SPTSSA: variants seen among roughly 807,000 people sequenced by gnomAD.
SPTSSA encodes small subunit of serine palmitoyltransferase A.
SPTSSA carries 8 observed loss-of-function variants against 9.1 expected under a neutral mutation model. The observed-to-expected ratio is 0.88, with a 90% CI of 0.51 to 1.58. The LOEUF (loss-of-function observed/expected upper bound fraction) is 1.58. Ranked by LOEUF, SPTSSA falls within the 40% of genes most tolerant of loss-of-function variation. The pLI is 0.00. For missense variants in SPTSSA, 100 were observed against 93.8 expected (o/e 1.07, Z -0.27); for synonymous variants, 42 against 37.7 (o/e 1.11, Z -0.41).
intron 1 of SPTSSA, among the ~76,000 whole-genome samples, chr14:34,442,434 C>T (rs949580676): frequency 2.6e-5 from 4 of 152,182 alleles, no homozygotes; most frequent in Non-Finnish European, 4.4e-5. Flanking sequence ...CATGTGGCAC[C>T]GGTGCCCACC....
chr14:34,443,134 G>GGTGTGTGTGTGTGTGTGTGTGTGT (rs376742613), intron 1 of SPTSSA, among the ~76,000 whole-genome samples: 2 of 36,976 alleles, frequency 5.4e-5, no homozygotes, highest in Non-Finnish European at 8.8e-5. Flanking sequence ...TGCTTCTAGG[G>GGTGTGTGTGTGTGTGTGTGTGTGT]GTGTGTGTGT....
intron 1 of SPTSSA, among the ~76,000 whole-genome samples, chr14:34,438,311 T>C (rs936605707): frequency 6.6e-6 from 1 of 152,174 alleles, no homozygotes; most frequent in Non-Finnish European, 1.5e-5. Flanking sequence ...AAATTTAGAA[T>C]ATTTGCATTA....
rs17102526 is a variant in SPTSSA at position 34,435,412 on chromosome 14, C to G, written c.113-108G>C. ...GAAGTACCCATTCACTTAGTGCTTT[C>G]TCATTTATATCAAGCACTGATAAAA... On this transcript the variant is annotated intron_variant, in intron 1 of 1. Coordinates refer to ENST00000298130, the MANE Select transcript of SPTSSA (RefSeq NM_138288.4). 1,422 of 679,698 alleles carry G rather than the reference C, an allele frequency of 2.1e-3. 50 individuals carry two copies. In the East Asian group the frequency reaches 0.035, roughly 17 times the overall value. The allele number at this position is 679,698 out of a possible 1,614,324, so 42.1% of individuals were successfully genotyped here.
intron 1 of SPTSSA, among the ~76,000 whole-genome samples, chr14:34,447,225 TAAAA>T (rs79063928): frequency 0.013 from 1,073 of 85,276 alleles, 23 homozygotes; most frequent in African/African-American, 0.044. Flanking sequence ...CTCCATCTCT[TAAAA>T]AAAAAAAAAA....
chr14:34,462,187 C>T lies in SPTSSA; in HGVS notation c.21G>A (p.Ala7=). The T allele has an allele frequency of 6.5e-7, 1 of 1,532,374 alleles. No individual in the cohort carries two copies. The allele number at this position is 1,532,374 out of a possible 1,614,324, so 94.9% of individuals were successfully genotyped here. Residue 7 remains alanine (A), a synonymous_variant, in exon 1 of 2, where the codon GCG becomes GCA. Coordinates refer to ENST00000298130, the MANE Select transcript of SPTSSA (RefSeq NM_138288.4). ...ACCAGGACATCTGCTTCCAGGCCCG[C>T]GCCAGCGCCATCCCCGCCATGCGCC... MAGMAL[A]RAWKQMSWFY... is the part of the protein sequence containing the mutation.
At chr14:34,449,504 T>C (rs1166966436) in intron 1 of SPTSSA, among the ~76,000 whole-genome samples, 1 of 63,952 alleles carries the variant, frequency 1.6e-5, no homozygotes, top group Non-Finnish European at 2.6e-5. Context: ...CCGGCCTCCC[T>C]TTTTTTTTTT....
chr14:34,445,368 G>A (rs1416444129), intron 1 of SPTSSA, among the ~76,000 whole-genome samples: 1 of 152,010 alleles, frequency 6.6e-6, no homozygotes, highest in South Asian at 2.1e-4. Context: ...GAGCGTGGTG[G>A]CATGCACCTG....
At chr14:34,443,133 G>A (rs1382493222) in intron 1 of SPTSSA, among the ~76,000 whole-genome samples, 2 of 108,064 alleles carry the variant, frequency 1.9e-5, no homozygotes, top group African/African-American at 9.7e-5. Context: ...CTGCTTCTAG[G>A]GGTGTGTGTG....
At chr14:34,456,898 C>CAA (rs1195715563) in intron 1 of SPTSSA, among the ~76,000 whole-genome samples, 2 of 126,510 alleles carry the variant, frequency 1.6e-5, no homozygotes, top group African/African-American at 2.9e-5. Flanking sequence ...GACTCCATCT[C>CAA]AAAAAAAAAA....
intron 1 of SPTSSA, 105 bp from the exon 2 acceptor site, chr14:34,435,409 T>C (rs1594615599): frequency 1.4e-6 from 1 of 704,748 alleles, no homozygotes; most frequent in South Asian, 2.2e-5. Flanking sequence ...CACTTAGTGC[T>C]TTCTCATTTA....
intron 1 of SPTSSA, among the ~76,000 whole-genome samples, chr14:34,456,147 C>T (rs1032870109): frequency 6.6e-6 from 1 of 151,742 alleles, no homozygotes; most frequent in African/African-American, 2.4e-5. Context: ...ATGGTGAAAC[C>T]CCGTCTCTAC....
rs145823416 is a variant in SPTSSA, at chr14:34,445,958, C to T, written c.113-10654G>A. On this transcript the variant is annotated intron_variant, in intron 1 of 1. Transcript: ENST00000298130. ...TACTGGGAAGACAATTAAAGCTTCA[C>T]GTACATTTGGTCACCTGGTGGGCCA... Among the ~76,000 whole-genome samples, 457 of 152,278 alleles carry T rather than the reference C, an allele frequency of 3.0e-3. 1 individual carries two copies. Among genetic ancestry groups the T allele is most frequent in the Non-Finnish European group, 5.5e-3 (372 of 68,026 alleles).
Position 34,457,981 on chromosome 14 carries a change from AAAAAAAAAAC to A in SPTSSA, c.112+4105_112+4114del, listed in dbSNP as rs572427347. 4.8e-3 allele frequency among the ~76,000 whole-genome samples: 729 copies of A among 150,952 alleles called. 7 individuals carry two copies. The highest frequency in any genetic ancestry group is 0.016 in the African/African-American group (654 of 41,160). Reference sequence around the variant, plus strand: ...AGCAAGACTGTCTCGGAAAAAAAAAAAAAAAAAAACAAAGAAAAGAAAAGAAAAGACAGAT... The same window carrying A: ...AGCAAGACTGTCTCGGAAAAAAAAAAAAAGAAAAGAAAAGAAAAGACAGAT... On this transcript the variant is annotated intron_variant, in intron 1 of 1. Coordinates refer to ENST00000298130, the MANE Select transcript of SPTSSA (RefSeq NM_138288.4).
chr14:34,444,495 T>C (rs1030222984), intron 1 of SPTSSA, among the ~76,000 whole-genome samples: 3 of 152,324 alleles, frequency 2.0e-5, no homozygotes, highest in South Asian at 2.1e-4. Context: ...GGCTCACACC[T>C]GTAATCCCAG....
intron 1 of SPTSSA, among the ~76,000 whole-genome samples, chr14:34,454,959 C>T (rs2138833160): frequency 6.6e-6 from 1 of 152,094 alleles, no homozygotes; most frequent in African/African-American, 2.4e-5. Flanking sequence ...TGGTGGCAGG[C>T]ACCTGTAATC....
chr14:34,460,362 T>A (rs1436289319), intron 1 of SPTSSA, among the ~76,000 whole-genome samples: 2 of 152,060 alleles, frequency 1.3e-5, no homozygotes, highest in Admixed American at 1.3e-4. Flanking sequence ...GAAAAAAAAA[T>A]TGAAACTACT....
intron 1 of SPTSSA, among the ~76,000 whole-genome samples, chr14:34,456,974 CTATTAT>C (rs908132086): frequency 2.9e-5 from 3 of 102,024 alleles, no homozygotes; most frequent in African/African-American, 9.3e-5. Flanking sequence ...ATTATTATTA[CTATTAT>C]TATTATTATT....
intron 1 of SPTSSA, among the ~76,000 whole-genome samples, chr14:34,460,928 G>C (rs1878604592): frequency 6.6e-6 from 1 of 152,138 alleles, no homozygotes; most frequent in African/African-American, 2.4e-5. Context: ...AAACTGCTTT[G>C]AAAGCATCTC....
intron 1 of SPTSSA, among the ~76,000 whole-genome samples, chr14:34,448,100 C>CA (rs1883454573): frequency 6.6e-6 from 1 of 152,018 alleles, no homozygotes; most frequent in African/African-American, 2.4e-5. Context: ...ACTAAAAATA[C>CA]AAAAATTAGC....
Sources: gnomAD v4.1 joint callset for allele counts (sites outside exome capture counted in the v4.1 genomes callset) on GRCh38, gnomAD v4.1.1 for gene constraint, MANE v1.5 for transcripts, NCBI Gene and HGNC (gene_info 2026-07-23, HGNC 2026-07-21) for gene names.